ITGA11: variants seen among roughly 807,000 people sequenced by gnomAD.
The protein encoded by ITGA11 is integrin subunit alpha 11.
Under a neutral mutation model 141.9 loss-of-function variants are expected in ITGA11, and 97 were observed. The ratio of observed to expected loss-of-function variants is 0.68; its 90% CI spans 0.58 to 0.81. ITGA11 has a LOEUF of 0.81. ITGA11 is among the 30% of genes least tolerant of loss of function. The pLI is 0.00. For missense variants in ITGA11, 1,387 were observed against 1,559.2 expected, an observed-to-expected ratio of 0.89 and a Z score of 1.86; for synonymous variants, 658 against 624.6, an observed-to-expected ratio of 1.05 and a Z score of -0.80.
chr15:68,326,856 C>G lies in ITGA11; in HGVS notation c.2069-60G>C. ...GAGCCACATGCCCATCCAAGACTGT[C>G]TGCCTCCTCCAGGAAGCCCCCCAGG... On this transcript the variant is annotated intron_variant, in intron 16 of 29. Transcript: ENST00000315757. This position sits in a 1 kb window ranked among gnomAD's most constrained non-coding sequence, Gnocchi z 6.8. 1 of 1,508,826 alleles carries G rather than the reference C, an allele frequency of 6.6e-7. No individual in the cohort carries two copies. Among genetic ancestry groups the G allele is most frequent in the Non-Finnish European group, 8.9e-7 (1 of 1,121,792 alleles). 93.5% of individuals were successfully genotyped at this position (1,508,826 alleles called of 1,614,324 possible). A position where few individuals can be genotyped will look rare whatever the true frequency, so the allele number is the denominator to read the frequency against.
Position 68,297,319 on chromosome 15 carries a change from C to T in ITGA11, c.*5740G>A, listed in dbSNP as rs369200740. 6.1e-4 allele frequency: 92 copies of T among 151,560 alleles called. No individual in the cohort carries two copies. The highest frequency in any genetic ancestry group is 1.9e-3 in the African/African-American group (78 of 41,298). The allele number at this position is 151,560 out of a possible 1,614,324, so 9.4% of individuals were successfully genotyped here. On this transcript the variant is annotated 3_prime_UTR_variant, in exon 30 of 30. Transcript: ENST00000315757. ...GAGTGGCTAACTTTTTTCATTATTA[C>T]GTGTTTATTTTTCCAGATGAAGTTT... is the stretch of plus-strand genomic sequence containing the variant.
At chr15:68,385,875 T>C (rs979938109) in intron 2 of ITGA11, among the ~76,000 whole-genome samples, 3 of 152,102 alleles carry the variant, frequency 2.0e-5, no homozygotes, top group Non-Finnish European at 4.4e-5. Flanking sequence ...AAATGATTTC[T>C]CAGACCCCTC....
chr15:68,402,818 T>C (rs889731209), intron 2 of ITGA11, 100 bp downstream of exon 2: 115 of 746,490 alleles, frequency 1.5e-4, no homozygotes, highest in Non-Finnish European at 2.4e-4. Flanking sequence ...TCAGTCTCCA[T>C]GTGAGGGCCA....
At chr15:68,312,359 G>A (rs1893418489) in intron 24 of ITGA11, among the ~76,000 whole-genome samples, 1 of 152,194 alleles carries the variant, frequency 6.6e-6, no homozygotes, top group Non-Finnish European at 1.5e-5. Context: ...GATGGCTGGA[G>A]CTGCAGCCAT....
At chr15:68,310,871 CAT>C in intron 26 of ITGA11, 121 bp downstream of exon 26, 3 of 712,038 alleles carry the variant, frequency 4.2e-6, no homozygotes, top group Non-Finnish European at 7.3e-6. Context: ...GGGCTGGGTA[CAT>C]ACAGGTGCTC....
chr15:68,303,973 G>A lies in ITGA11; in HGVS notation c.3382-88C>T. 1 of 765,544 alleles carries A rather than the reference G, an allele frequency of 1.3e-6. No homozygotes were observed. The highest frequency in any genetic ancestry group is 2.2e-6 in the Non-Finnish European group (1 of 445,144). 47.4% of individuals were successfully genotyped at this position (765,544 alleles called of 1,614,324 possible). ...GAGGGGCAGGAGGGTGGAGACAGCT[G>A]GCACCTGGTGGGGGAGCTGCATCCT... On this transcript the variant is annotated intron_variant, in intron 28 of 29. Coordinates refer to ENST00000315757, the MANE Select transcript of ITGA11 (RefSeq NM_001004439.2). The surrounding 1 kb of genome is among the most constrained non-coding windows in gnomAD (Gnocchi z 5.3).
chr15:68,321,508 GC>G lies in ITGA11; in HGVS notation c.2323-6del. ...GCAGCCGTTCCAGAAGGGCACCTGG[GC>G]CAGGGAGAGCCAGGTGTGGGCAGCT... On this transcript the variant is annotated splice_region_variant and splice_polypyrimidine_tract_variant and intron_variant, in intron 18 of 29. Coordinates refer to ENST00000315757, the MANE Select transcript of ITGA11 (RefSeq NM_001004439.2). The surrounding 1 kb of genome is among the most constrained non-coding windows in gnomAD (Gnocchi z 4.9). 2 of 1,588,430 alleles carry G rather than the reference GC, an allele frequency of 1.3e-6. No homozygotes were observed. Among genetic ancestry groups the G allele is most frequent in the African/African-American group, 1.4e-5 (1 of 72,916 alleles).
chr15:68,298,505 AG>A lies in ITGA11; in HGVS notation c.*4553del, dbSNP rs1207846803. 5 of 152,178 alleles carry A rather than the reference AG, an allele frequency of 3.3e-5. No individual in the cohort carries two copies. The highest frequency in any genetic ancestry group is 1.2e-4 in the African/African-American group (5 of 41,420). The allele number at this position is 152,178 out of a possible 1,614,324, so 9.4% of individuals were successfully genotyped here. A position where few individuals can be genotyped will look rare whatever the true frequency, so the allele number is the denominator to read the frequency against. On this transcript the variant is annotated 3_prime_UTR_variant, in exon 30 of 30. Coordinates refer to ENST00000315757, the MANE Select transcript of ITGA11 (RefSeq NM_001004439.2). ...GCTGGGCATGGTGGTGCATGTCTGT[AG>A]TCCCAGCTACTCAAGAGGCTGAGGT...
chr15:68,380,093 A>G (rs1440451411), intron 2 of ITGA11, among the ~76,000 whole-genome samples: 2 of 152,210 alleles, frequency 1.3e-5, no homozygotes, highest in Non-Finnish European at 2.9e-5. Context: ...CTGGGGAAGA[A>G]AGCAAGGCCC....
Position 68,303,181 on chromosome 15 carries a change from C to T in ITGA11, c.3496-51G>A. 3 of 1,473,854 alleles carry T rather than the reference C, an allele frequency of 2.0e-6. No homozygotes were observed. The highest frequency in any genetic ancestry group is 2.5e-5 in the East Asian group (1 of 40,470). The allele number at this position is 1,473,854 out of a possible 1,614,324, so 91.3% of individuals were successfully genotyped here. A position where few individuals can be genotyped will look rare whatever the true frequency, so the allele number is the denominator to read the frequency against. ...TCAGAGGAGGACAGGGTGGGCAAGGCCTGCCCCAGCTTTCCCTCCACTACC... is the reference window on the plus strand; with the variant it reads ...TCAGAGGAGGACAGGGTGGGCAAGGTCTGCCCCAGCTTTCCCTCCACTACC... On this transcript the variant is annotated intron_variant, in intron 29 of 29. Transcript: ENST00000315757. This position sits in a 1 kb window ranked among gnomAD's most constrained non-coding sequence, Gnocchi z 5.3.
chr15:68,377,436 C>T (rs1895756095), intron 2 of ITGA11, among the ~76,000 whole-genome samples: 1 of 149,632 alleles, frequency 6.7e-6, no homozygotes, highest in Non-Finnish European at 1.5e-5. Context: ...CAATGCCTGG[C>T]TAATTTTTGT....
At chr15:68,356,997 A>G (rs1895090143) in intron 7 of ITGA11, 154 bp downstream of exon 7, 2 of 701,394 alleles carry the variant, frequency 2.9e-6, no homozygotes, top group Admixed American at 3.0e-5. Flanking sequence ...GAGAAAACCG[A>G]CCAGCTGAGC....
At chr15:68,376,346 C>T (rs1378479809) in intron 2 of ITGA11, among the ~76,000 whole-genome samples, 2 of 152,162 alleles carry the variant, frequency 1.3e-5, no homozygotes, top group Admixed American at 6.5e-5. Context: ...AGACCTGTCA[C>T]CCCCTCTCTC....
intron 1 of ITGA11, among the ~76,000 whole-genome samples, chr15:68,409,892 A>G (rs1264467921): frequency 6.6e-6 from 1 of 152,228 alleles, no homozygotes; most frequent in Admixed American, 6.5e-5. Flanking sequence ...CGTGCCATCC[A>G]GCCCATCACC....
rs1458901512 is a variant in ITGA11 at position 68,328,154 on chromosome 15, G to A, written c.2010C>T (p.Ala670=). The A allele has an allele frequency of 9.3e-6, 15 of 1,613,872 alleles. No individual in the cohort carries two copies. The highest frequency in any genetic ancestry group is 2.2e-5 in the East Asian group (1 of 44,874). Residue 670 remains alanine (A), a synonymous_variant, in exon 16 of 30, where the codon GCC becomes GCT. Coordinates refer to ENST00000315757, the MANE Select transcript of ITGA11 (RefSeq NM_001004439.2). This position sits in a 1 kb window ranked among gnomAD's most constrained non-coding sequence, Gnocchi z 4.8. ...AGATGGGCGTGAAGCAGAGGAAGGCGGCCAGGCAGGTGGCATCCCTGCCAC... is the reference window on the plus strand; with the variant it reads ...AGATGGGCGTGAAGCAGAGGAAGGCAGCCAGGCAGGTGGCATCCCTGCCAC... The part of the protein sequence containing the change: ...KRSGRDATCL[A]AFLCFTPIFL...
At chr15:68,353,119 T>C (rs965995913) in intron 7 of ITGA11, among the ~76,000 whole-genome samples, 1 of 152,252 alleles carries the variant, frequency 6.6e-6, no homozygotes, top group African/African-American at 2.4e-5. Flanking sequence ...ACGGCTTTGG[T>C]ATCAGAGGTA....
rs755056411 is a variant in ITGA11, at chr15:68,321,503, C to G, written c.2323G>C (p.Val775Leu). The change falls in exon 19 of 30, where the codon GTG becomes CTG. Residue 775 changes from valine to leucine, a missense_variant and splice_region_variant. Transcript: ENST00000315757. This position sits in a 1 kb window ranked among gnomAD's most constrained non-coding sequence, Gnocchi z 4.9. ...DGWPTTLRVS[V>L]PFWNGCNEDE... The stretch of plus-strand genomic sequence containing the variant: ...TCATTGCAGCCGTTCCAGAAGGGCA[C>G]CTGGGCCAGGGAGAGCCAGGTGTGG... 6.3e-7 allele frequency: 1 copy of G among 1,595,354 alleles called. No individual in the cohort carries two copies. The highest frequency in any genetic ancestry group is 8.5e-7 in the Non-Finnish European group (1 of 1,170,888).
intron 2 of ITGA11, among the ~76,000 whole-genome samples, chr15:68,390,260 C>T (rs920937875): frequency 1.3e-5 from 2 of 152,234 alleles, no homozygotes; most frequent in African/African-American, 4.8e-5. Context: ...GTGACTGCCC[C>T]ACCAGGTCTG....
chr15:68,340,769 C>A (rs1190236664), intron 10 of ITGA11: 1 of 152,248 alleles, frequency 6.6e-6, no homozygotes, highest in Non-Finnish European at 1.5e-5. Context: ...TATCCCCGAT[C>A]CCCTGCTTCA....
Sources: allele counts gnomAD v4.1 joint callset (sites outside exome capture counted in the v4.1 genomes callset), GRCh38; gene constraint gnomAD v4.1.1; non-coding constraint Gnocchi (gnomAD v3.1); transcripts MANE v1.5; gene names NCBI Gene and HGNC (gene_info 2026-07-23, HGNC 2026-07-21).